The following MAST2 variants were observed in gnomAD, a reference collection of about 807,000 sequenced individuals.
MAST2 encodes the protein microtubule associated serine/threonine kinase 2.
MAST2 carries 70 observed loss-of-function variants against 147.4 expected under a neutral mutation model. The observed-to-expected ratio is 0.47, with a 90% CI of 0.39 to 0.58. MAST2 has a LOEUF of 0.58. MAST2 is among the 20% of genes least tolerant of loss of function. The pLI, the probability that MAST2 is intolerant of heterozygous loss-of-function variation, is 0.00. For missense variants in MAST2, 2,080 were observed against 2,302.3 expected (o/e 0.90, Z 1.98); for synonymous variants, 869 against 896.8 (o/e 0.97, Z 0.55).
At chr1:45,990,351 G>T (rs1464574854) in intron 5 of MAST2, among the ~76,000 whole-genome samples, 2 of 152,086 alleles carry the variant, frequency 1.3e-5, no homozygotes, top group Non-Finnish European at 2.9e-5. Context: ...TGGTGAGGTG[G>T]CTGTTCAGAT....
chr1:45,970,667 C>CAAAAAAAA lies in MAST2; in HGVS notation c.592+11205_592+11212dup, dbSNP rs754544108. ...TGGGCAACAGAGGAAGACTCTGTCT[C>CAAAAAAAA]AAAAAAAAAAAAAAAAAAAAAAGAA... On this transcript the variant is annotated intron_variant, in intron 5 of 28. Transcript: ENST00000361297. Among the ~76,000 whole-genome samples the CAAAAAAAA allele has an allele frequency of 7.0e-3, 505 of 72,332 alleles. 19 individuals are homozygous for CAAAAAAAA. The highest frequency in any genetic ancestry group is 8.8e-3 in the Admixed American group (48 of 5,484). The allele number at this position is 72,332 out of a possible 152,430, so 47.5% of individuals were successfully genotyped here. A position where few individuals can be genotyped will look rare whatever the true frequency, so the allele number is the denominator to read the frequency against.
At chr1:45,806,530 G>C (rs1440008371) in intron 1 of MAST2, among the ~76,000 whole-genome samples, 2 of 152,148 alleles carry the variant, frequency 1.3e-5, no homozygotes, top group Admixed American at 6.5e-5. Context: ...CTCCCAAGTA[G>C]CTGGGACCAT....
chr1:45,959,252 G>C lies in MAST2; in HGVS notation c.501-134G>C, dbSNP rs116091603. 1,606 of 601,512 alleles carry C rather than the reference G, an allele frequency of 2.7e-3. 18 individuals are homozygous for C. The highest frequency in any genetic ancestry group is 0.025 in the African/African-American group (1,359 of 53,650). The allele number at this position is 601,512 out of a possible 1,614,324, so 37.3% of individuals were successfully genotyped here. ...CTAACTGGTGCCGAGTGTAATTGCT[G>C]ACCCAGTTCAGTTTAAAGAAGTATA... On this transcript the variant is annotated intron_variant, in intron 4 of 28. Coordinates refer to ENST00000361297, the MANE Select transcript of MAST2 (RefSeq NM_015112.3).
intron 3 of MAST2, among the ~76,000 whole-genome samples, chr1:45,842,619 C>T (rs1245230012): frequency 2.6e-5 from 4 of 152,150 alleles, no homozygotes; most frequent in Non-Finnish European, 5.9e-5. Flanking sequence ...CACATTCTAG[C>T]ATATATTGGT....
At chr1:45,894,700 A>G (rs1026097316) in intron 4 of MAST2, among the ~76,000 whole-genome samples, 1 of 152,224 alleles carries the variant, frequency 6.6e-6, no homozygotes, top group Non-Finnish European at 1.5e-5. Flanking sequence ...CATGACAGCC[A>G]AAATTCACAT....
At chr1:45,930,765 T>A (rs1419385075) in intron 4 of MAST2, among the ~76,000 whole-genome samples, 2 of 152,162 alleles carry the variant, frequency 1.3e-5, no homozygotes, top group Non-Finnish European at 2.9e-5. Flanking sequence ...ATAAACCCCA[T>A]GAACCAAATG....
intron 5 of MAST2, among the ~76,000 whole-genome samples, chr1:45,965,373 T>C (rs957483379): frequency 6.6e-6 from 1 of 152,216 alleles, no homozygotes; most frequent in Non-Finnish European, 1.5e-5. Flanking sequence ...TGTAAGTCTC[T>C]AAGTTAAGGC....
chr1:45,993,574 CT>C, intron 5 of MAST2, among the ~76,000 whole-genome samples: 1 of 152,060 alleles, frequency 6.6e-6, no homozygotes, highest in East Asian at 1.9e-4. Context: ...ATCCCAGTTA[CT>C]TGGGAGGCTA....
Position 46,030,775 on chromosome 1 carries a change from G to A in MAST2, c.2708+14G>A. ...CTCCCCTGAGATGTGAGCACCCAGAGTTCACCCAGGGTGGGCGACACAGCT... is the reference window on the plus strand; with the variant it reads ...CTCCCCTGAGATGTGAGCACCCAGAATTCACCCAGGGTGGGCGACACAGCT... On this transcript the variant is annotated intron_variant, in intron 22 of 28. Coordinates refer to ENST00000361297, the MANE Select transcript of MAST2 (RefSeq NM_015112.3). The A allele has an allele frequency of 6.4e-7, 1 of 1,561,344 alleles. No homozygotes were observed. Among genetic ancestry groups the A allele is most frequent in the South Asian group, 1.2e-5 (1 of 83,926 alleles).
chr1:45,848,498 T>C (rs10749859), intron 3 of MAST2, among the ~76,000 whole-genome samples: 121,250 of 152,170 alleles, frequency 0.8, 48,789 homozygotes, highest in East Asian at 0.98. Context: ...ATATAGTTAC[T>C]AGGTGTTGCT....
At chr1:45,993,405 C>T (rs577347216) in intron 5 of MAST2, among the ~76,000 whole-genome samples, 6 of 151,996 alleles carry the variant, frequency 3.9e-5, no homozygotes, top group South Asian at 4.2e-4. Context: ...TTGCTGAGGC[C>T]GGGAGCAGTG....
chr1:45,852,712 C>T (rs903145635), intron 3 of MAST2, among the ~76,000 whole-genome samples: 1 of 151,798 alleles, frequency 6.6e-6, no homozygotes, highest in African/African-American at 2.4e-5. Context: ...TAGTATATAA[C>T]CTTTTGAGAT....
At chr1:45,844,929 G>A (rs1645384912) in intron 3 of MAST2, among the ~76,000 whole-genome samples, 1 of 152,086 alleles carries the variant, frequency 6.6e-6, no homozygotes, top group Non-Finnish European at 1.5e-5. Context: ...CTTTCTTGGT[G>A]TTTCCTCACG....
chr1:46,014,322 C>G (rs1185876165), intron 10 of MAST2, among the ~76,000 whole-genome samples: 1 of 110,256 alleles, frequency 9.1e-6, no homozygotes, highest in Non-Finnish European at 1.8e-5. Context: ...CTATCCCTCC[C>G]CCCTCCCCCC....
intron 5 of MAST2, among the ~76,000 whole-genome samples, chr1:45,990,659 A>T (rs1049086163): frequency 1.3e-5 from 2 of 151,984 alleles, no homozygotes; most frequent in African/African-American, 4.8e-5. Context: ...CTAATTTTTA[A>T]ATTTTTTGTA....
At chr1:45,954,007 C>T (rs1389778994) in intron 4 of MAST2, among the ~76,000 whole-genome samples, 8 of 152,146 alleles carry the variant, frequency 5.3e-5, no homozygotes, top group African/African-American at 1.9e-4. Context: ...TCTGGAAGTG[C>T]TTGACTGTAA....
At chr1:45,966,339 T>G (rs1223422349) in intron 5 of MAST2, among the ~76,000 whole-genome samples, 2 of 152,108 alleles carry the variant, frequency 1.3e-5, no homozygotes, top group African/African-American at 4.8e-5. Flanking sequence ...TATAGGTTTT[T>G]GGGTAGACGT....
Position 46,023,900 on chromosome 1 carries a change from C to A in MAST2, c.1700C>A (p.Ala567Asp), listed in dbSNP as rs1204147493. Reference protein sequence around the residue: ...AFVERDILTFAENPFVVSMFC... With the variant: ...AFVERDILTFDENPFVVSMFC... ...GTGGAGCGTGACATACTGACTTTCG[C>A]TGAGAACCCCTTTGTGGTCAGCATG... The change falls in exon 15 of 29, where the codon GCT (alanine) becomes GAT (aspartate). Residue 567 changes from alanine (A) to aspartate (D), a missense_variant. By Grantham distance (126) the Ala-to-Asp change is moderately radical (BLOSUM62 -2). Transcript: ENST00000361297. The surrounding 1 kb of genome is among the most constrained non-coding windows in gnomAD (Gnocchi z 4.9). 1 of 1,614,110 alleles carries A rather than the reference C, an allele frequency of 6.2e-7. No homozygotes were observed. The highest frequency in any genetic ancestry group is 1.3e-5 in the African/African-American group (1 of 74,942).
intron 5 of MAST2, among the ~76,000 whole-genome samples, chr1:45,986,855 T>C (rs72895023): frequency 0.049 from 7,418 of 152,218 alleles, 637 homozygotes; most frequent in African/African-American, 0.17. Flanking sequence ...ATAATATCTT[T>C]GTCTGGTTTT....
Sources: gnomAD v4.1 joint callset for allele counts (sites outside exome capture counted in the v4.1 genomes callset) on GRCh38, gnomAD v4.1.1 for gene constraint, Gnocchi (gnomAD v3.1) non-coding constraint, MANE v1.5 for transcripts, NCBI Gene and HGNC (gene_info 2026-07-23, HGNC 2026-07-21) for gene names.